ZHX3: variants seen among roughly 807,000 people sequenced by gnomAD.
ZHX3 encodes the protein zinc fingers and homeoboxes 3, also known as zinc fingers and homeoboxes protein 3.
Under a neutral mutation model 64.5 loss-of-function variants are expected in ZHX3, and 20 were observed. That is an observed-to-expected ratio of 0.31 (90% CI 0.22 to 0.45). The LOEUF is 0.45. Among genes scored for constraint, ZHX3 ranks in the 20% least tolerant of loss-of-function variants. The probability of loss-of-function intolerance (pLI) is 1.00; values close to 1 mark genes in which losing one functional copy is unlikely to be tolerated. For synonymous variants in ZHX3, 423 were observed against 461.6 expected (o/e 0.92, Z 1.07); for missense variants, 1,041 against 1,195.8 (o/e 0.87, Z 1.91).
intron 1 of ZHX3, among the ~76,000 whole-genome samples, chr20:41,311,054 C>T (rs971056689): frequency 9.9e-5 from 15 of 152,062 alleles, no homozygotes; most frequent in Non-Finnish European, 1.9e-4. Flanking sequence ...GTGATCCGCC[C>T]GCCTAGGCCT....
At chr20:41,223,762 GA>G (rs956594689) in intron 2 of ZHX3, among the ~76,000 whole-genome samples, 10 of 152,138 alleles carry the variant, frequency 6.6e-5, no homozygotes, top group Admixed American at 3.9e-4. Flanking sequence ...TACATAAGTG[GA>G]AAAAATGTTA....
At chr20:41,248,321 GT>G (rs953522097) in intron 2 of ZHX3, among the ~76,000 whole-genome samples, 118 of 147,836 alleles carry the variant, frequency 8.0e-4, no homozygotes, top group African/African-American at 2.5e-3. Flanking sequence ...AGTTTCTCCG[GT>G]TTTTTTTTTG....
intron 2 of ZHX3, among the ~76,000 whole-genome samples, chr20:41,263,913 C>A (rs973073304): frequency 6.6e-6 from 1 of 151,660 alleles, no homozygotes; most frequent in African/African-American, 2.4e-5. Context: ...TGTGAATAGA[C>A]TAAAATTGAT....
rs57987896 is a variant in ZHX3 at position 41,296,232 on chromosome 20, T to TAAA, written c.-245+21274_-245+21276dup. 9.6e-5 allele frequency among the ~76,000 whole-genome samples: 7 copies of TAAA among 73,002 alleles called. 1 individual carries two copies. The highest frequency in any genetic ancestry group is 1.2e-4 in the Non-Finnish European group (4 of 33,376). The allele number at this position is 73,002 out of a possible 152,430, so 47.9% of individuals were successfully genotyped here. A position where few individuals can be genotyped will look rare whatever the true frequency, so the allele number is the denominator to read the frequency against. On this transcript the variant is annotated intron_variant, in intron 1 of 3. Transcript: ENST00000683867. ...TTCCCTTCTCCTCAAGTTCATAAAG[T>TAAA]AAAAAAAAAAAAAAAAAAAAAAAAA...
At chr20:41,265,199 A>T (rs1203432782) in intron 2 of ZHX3, among the ~76,000 whole-genome samples, 1 of 150,434 alleles carries the variant, frequency 6.6e-6, no homozygotes, top group Non-Finnish European at 1.5e-5. Flanking sequence ...TCATTACGAT[A>T]AATTTTTTTT....
At chr20:41,264,385 C>CAAAAAAAAAA (rs1165922837) in intron 2 of ZHX3, among the ~76,000 whole-genome samples, 561 of 71,446 alleles carry the variant, frequency 7.9e-3, no homozygotes, top group East Asian at 0.012. Flanking sequence ...ACCAAAAATA[C>CAAAAAAAAAA]AAAAAAAAAA....
At chr20:41,302,782 T>C (rs1465370822) in intron 1 of ZHX3, among the ~76,000 whole-genome samples, 1 of 152,218 alleles carries the variant, frequency 6.6e-6, no homozygotes, top group African/African-American at 2.4e-5. Flanking sequence ...TGGCAGAGCA[T>C]CATTAGTCTG....
At chr20:41,230,491 G>T (rs1222652332) in intron 2 of ZHX3, among the ~76,000 whole-genome samples, 1 of 152,192 alleles carries the variant, frequency 6.6e-6, no homozygotes, top group African/African-American at 2.4e-5. Context: ...ACTAGCCATA[G>T]GTACTCATGT....
At chr20:41,249,534 C>T (rs73907116) in intron 2 of ZHX3, among the ~76,000 whole-genome samples, 1,945 of 152,242 alleles carry the variant, frequency 0.013, 38 homozygotes, top group African/African-American at 0.044. Context: ...CTGCACTGGG[C>T]GGCCAACCAG....
Position 41,309,408 on chromosome 20 carries a change from T to A in ZHX3, c.-245+8101A>T, listed in dbSNP as rs1050061321. Among the ~76,000 whole-genome samples the A allele has an allele frequency of 5.9e-5, 9 of 152,164 alleles. 1 individual carries two copies. Among genetic ancestry groups the A allele is most frequent in the Admixed American group, 3.9e-4 (6 of 15,280 alleles). On this transcript the variant is annotated intron_variant, in intron 1 of 3. Coordinates refer to ENST00000683867, the MANE Select transcript of ZHX3 (RefSeq NM_001384317.1). Reference sequence around the variant, plus strand: ...GTGTTAAAAATACACATTCTCAGTCTCCTCCTACTAAAGACTGTAGTTCAG... The same window carrying A: ...GTGTTAAAAATACACATTCTCAGTCACCTCCTACTAAAGACTGTAGTTCAG...
intron 2 of ZHX3, among the ~76,000 whole-genome samples, chr20:41,256,126 A>T (rs8120184): frequency 0.072 from 10,994 of 152,338 alleles, 459 homozygotes; most frequent in Middle Eastern, 0.17. Context: ...AAAAATAAAA[A>T]GCAAACTTAT....
At chr20:41,307,253 C>T (rs2045006760) in intron 1 of ZHX3, among the ~76,000 whole-genome samples, 1 of 152,192 alleles carries the variant, frequency 6.6e-6, no homozygotes, top group Non-Finnish European at 1.5e-5. Flanking sequence ...GCCAACCCCA[C>T]AGGGATCTAC....
intron 2 of ZHX3, among the ~76,000 whole-genome samples, chr20:41,268,465 C>A (rs116897485): frequency 6.6e-6 from 1 of 152,268 alleles, no homozygotes; most frequent in Non-Finnish European, 1.5e-5. Flanking sequence ...TAATAGTCTA[C>A]TGTGAATATA....
intron 1 of ZHX3, among the ~76,000 whole-genome samples, chr20:41,295,314 T>C (rs2044453772): frequency 2.0e-5 from 3 of 152,174 alleles, no homozygotes; most frequent in Admixed American, 6.5e-5. Context: ...TAAAAATATA[T>C]AATAAGACAA....
intron 1 of ZHX3, among the ~76,000 whole-genome samples, chr20:41,280,880 C>T (rs892342650): frequency 3.3e-5 from 5 of 149,388 alleles, no homozygotes; most frequent in African/African-American, 1.2e-4. Flanking sequence ...ATATGTCTAA[C>T]CCTTTTTTTT....
intron 3 of ZHX3, among the ~76,000 whole-genome samples, chr20:41,192,924 T>G (rs1285980268): frequency 6.6e-6 from 1 of 152,202 alleles, no homozygotes; most frequent in Non-Finnish European, 1.5e-5. Context: ...ATGGTGGAAA[T>G]GTGGACCACT....
intron 1 of ZHX3, among the ~76,000 whole-genome samples, chr20:41,284,472 G>A (rs2146706946): frequency 6.6e-6 from 1 of 152,150 alleles, no homozygotes; most frequent in South Asian, 2.1e-4. Context: ...CACTCCCTAT[G>A]TTGCCCATCT....
chr20:41,270,767 A>C (rs1220276197), intron 1 of ZHX3, among the ~76,000 whole-genome samples: 2 of 151,998 alleles, frequency 1.3e-5, no homozygotes, highest in Non-Finnish European at 2.9e-5. Context: ...CTACAGTCTC[A>C]TCCATCTATT....
intron 1 of ZHX3, among the ~76,000 whole-genome samples, chr20:41,293,713 C>T (rs1444334442): frequency 6.6e-6 from 1 of 152,112 alleles, no homozygotes; most frequent in Non-Finnish European, 1.5e-5. Context: ...GAAATTCTAT[C>T]GAAAAGAATG....
Sources: gnomAD v4.1 joint callset for allele counts (sites outside exome capture counted in the v4.1 genomes callset) on GRCh38, gnomAD v4.1.1 for gene constraint, MANE v1.5 for transcripts, NCBI Gene and HGNC (gene_info 2026-07-23, HGNC 2026-07-21) for gene names.